The following COL24A1 variants were observed in gnomAD, a reference collection of about 807,000 sequenced individuals.
COL24A1 encodes collagen alpha-1(XXIV) chain.
COL24A1 carries 224 observed loss-of-function variants against 253.9 expected under a neutral mutation model. The observed-to-expected ratio is 0.88, with a 90% CI of 0.79 to 0.99. The LOEUF is 0.99. Ranked by LOEUF, COL24A1 falls within the 50% of genes least tolerant of loss-of-function variation. COL24A1 has a pLI of 0.00. For synonymous variants in COL24A1, 685 were observed against 673.7 expected (o/e 1.02, Z -0.26); for missense variants, 2,131 against 2,068.5 (o/e 1.03, Z -0.59).
intron 37 of COL24A1, among the ~76,000 whole-genome samples, chr1:85,858,598 C>T (rs1477951248): frequency 8.5e-6 from 1 of 117,456 alleles, no homozygotes; most frequent in African/African-American, 2.8e-5. Context: ...ATCCCAATAA[C>T]ATATTTTCTC....
intron 43 of COL24A1, among the ~76,000 whole-genome samples, chr1:85,828,230 T>C (rs1260913524): frequency 6.6e-6 from 1 of 151,898 alleles, no homozygotes. Flanking sequence ...AGTTGAGCAG[T>C]TTTGAGTGAG....
intron 43 of COL24A1, among the ~76,000 whole-genome samples, chr1:85,832,103 A>G (rs1319267301): frequency 2.6e-5 from 4 of 151,936 alleles, no homozygotes; most frequent in Non-Finnish European, 5.9e-5. Flanking sequence ...TAATTTTTGT[A>G]TAAGGTGTAA....
chr1:86,155,089 C>T (rs1653339560), intron 1 of COL24A1: 1 of 152,438 alleles, frequency 6.6e-6, no homozygotes, highest in Admixed American at 6.5e-5. Context: ...CAGGGACTCC[C>T]CAGCCTCCAG....
chr1:85,951,088 C>A (rs189452143), intron 24 of COL24A1, among the ~76,000 whole-genome samples: 1 of 152,168 alleles, frequency 6.6e-6, no homozygotes, highest in African/African-American at 2.4e-5. Context: ...AGATTAAGCA[C>A]ACTAATGTCC....
chr1:86,073,769 C>T lies in COL24A1; in HGVS notation c.1708-10010G>A, dbSNP rs150139624. On this transcript the variant is annotated intron_variant, in intron 7 of 59. Transcript: ENST00000370571. The stretch of plus-strand genomic sequence containing the variant: ...GAACCCCATCAGACTAACAGCAGAT[C>T]TCTCAGTGGAAACCCTACAAGACAG... Among the ~76,000 whole-genome samples the T allele has an allele frequency of 4.0e-4, 61 of 152,328 alleles. No homozygotes were observed. In the East Asian group the frequency reaches 9.8e-3, roughly 25 times the overall value.
At chr1:86,048,789 C>T (rs1700102295) in intron 11 of COL24A1, among the ~76,000 whole-genome samples, 1 of 152,146 alleles carries the variant, frequency 6.6e-6, no homozygotes, top group Admixed American at 6.5e-5. Context: ...TGTGCCCGGC[C>T]AGGTCTTGAT....
intron 35 of COL24A1, among the ~76,000 whole-genome samples, chr1:85,870,745 G>A (rs1558469245): frequency 6.6e-6 from 1 of 152,086 alleles, no homozygotes; most frequent in Non-Finnish European, 1.5e-5. Flanking sequence ...AGAGAAAGCA[G>A]GAAAGATCTA....
chr1:86,113,926 T>C (rs892276756), intron 4 of COL24A1, among the ~76,000 whole-genome samples: 1 of 151,812 alleles, frequency 6.6e-6, no homozygotes, highest in African/African-American at 2.4e-5. Flanking sequence ...AAGTACATTT[T>C]AATAAAGTAG....
intron 5 of COL24A1, among the ~76,000 whole-genome samples, chr1:86,109,306 T>A (rs1031893271): frequency 1.8e-5 from 2 of 110,276 alleles, no homozygotes; most frequent in South Asian, 4.6e-4. Flanking sequence ...CTCAAAAAAA[T>A]TTTCAACACA....
At chr1:85,835,674 C>A (rs1675918391) in intron 43 of COL24A1, among the ~76,000 whole-genome samples, 1 of 152,006 alleles carries the variant, frequency 6.6e-6, no homozygotes, top group South Asian at 2.1e-4. Flanking sequence ...ATGTATAATT[C>A]TATTTATATG....
At chr1:85,960,683 G>A (rs1004978874) in intron 24 of COL24A1, 1 of 152,684 alleles carries the variant, frequency 6.5e-6, no homozygotes, top group African/African-American at 2.4e-5. Flanking sequence ...AGGAGTTCGA[G>A]ACTAGCCTGG....
At chr1:85,853,710 C>T (rs1024059271) in intron 37 of COL24A1, among the ~76,000 whole-genome samples, 1 of 152,172 alleles carries the variant, frequency 6.6e-6, no homozygotes, top group African/African-American at 2.4e-5. Flanking sequence ...TTGCATTTCT[C>T]TAATGATTAG....
chr1:86,053,824 T>G (rs1392765071), intron 10 of COL24A1, among the ~76,000 whole-genome samples: 1 of 152,124 alleles, frequency 6.6e-6, no homozygotes, highest in Non-Finnish European at 1.5e-5. Context: ...AGCTAATTTA[T>G]CATGATTCAT....
chr1:85,986,783 T>C (rs1191052804), intron 20 of COL24A1, among the ~76,000 whole-genome samples: 1 of 151,844 alleles, frequency 6.6e-6, no homozygotes, highest in African/African-American at 2.4e-5. Context: ...CTTCATCTCC[T>C]ATCATTTCAT....
chr1:85,894,818 C>G (rs1334514629), intron 31 of COL24A1, among the ~76,000 whole-genome samples: 1 of 152,120 alleles, frequency 6.6e-6, no homozygotes, highest in Non-Finnish European at 1.5e-5. Context: ...GGTTGGATCA[C>G]TGTTAAATAC....
At chr1:85,903,362 C>T (rs1028812165) in intron 28 of COL24A1, among the ~76,000 whole-genome samples, 1 of 152,168 alleles carries the variant, frequency 6.6e-6, no homozygotes, top group African/African-American at 2.4e-5. Context: ...TTATCAACAT[C>T]TTTAAATTTC....
intron 5 of COL24A1, among the ~76,000 whole-genome samples, chr1:86,108,622 A>AAG (rs1705231036): frequency 1.4e-3 from 6 of 4,306 alleles, no homozygotes; most frequent in Non-Finnish European, 2.4e-3. Flanking sequence ...ATCTCTACTA[A>AAG]AAAAAAAAAA....
At chr1:86,087,477 G>A (rs768185660) in intron 7 of COL24A1, among the ~76,000 whole-genome samples, 1 of 152,062 alleles carries the variant, frequency 6.6e-6, no homozygotes, top group Admixed American at 6.6e-5. Flanking sequence ...TACTCCCAGA[G>A]ACTGCATGTC....
rs114781279 is a variant in COL24A1 at position 86,124,968 on chromosome 1, A to G, written c.1368T>C (p.Asp456=). Residue 456 remains aspartate, a synonymous_variant, in exon 3 of 60, where the codon GAT becomes GAC. Transcript: ENST00000370571. ...DLRKEGEFYP[D]ATYPIENSYE... ...AGCTATTTTCGATGGGATAAGTAGC[A>G]TCAGGATAAAATTCACCTTCTTTCC... 1.0e-4 allele frequency: 163 copies of G among 1,613,232 alleles called. No individual in the cohort carries two copies. In the African/African-American group the frequency reaches 2.0e-3, roughly 20 times the overall value.
Sources: allele counts gnomAD v4.1 joint callset (sites outside exome capture counted in the v4.1 genomes callset), GRCh38; gene constraint gnomAD v4.1.1; transcripts MANE v1.5; gene names NCBI Gene and HGNC (gene_info 2026-07-23, HGNC 2026-07-21).